The following LILRB4 variants were observed in gnomAD, a reference collection of about 807,000 sequenced individuals.
LILRB4 encodes leukocyte immunoglobulin like receptor B4.
A neutral mutation model predicts 55.2 loss-of-function variants in LILRB4; 49 were observed. The observed-to-expected ratio is 0.89, with a 90% confidence interval of 0.71 to 1.13. LILRB4 has a LOEUF of 1.13. LILRB4 is among the 50% of genes most tolerant of loss of function. The probability of loss-of-function intolerance (pLI) is 0.00; values close to 1 mark genes in which losing one functional copy is unlikely to be tolerated. For missense variants in LILRB4, 590 were observed against 555.2 expected (o/e 1.06, Z -0.63); for synonymous variants, 229 against 213.8 (o/e 1.07, Z -0.62).
At chr19:54,667,913 G>T (rs1048801) in exon 12 of LILRB4, 1 of 1,606,188 alleles carries the variant, frequency 6.2e-7, no homozygotes, top group Non-Finnish European at 8.5e-7. Context: ...ACCTACGCCC[G>T]GCTGCACAGC....
chr19:54,668,333 C>A (rs1210148379), exon 12 of LILRB4: 2 of 306,618 alleles, frequency 6.5e-6, no homozygotes, highest in Non-Finnish European at 1.2e-5. Context: ...AAAATGGGAG[C>A]TTCTAATGAG....
rs2065264727 is a variant in LILRB4, at chr19:54,666,400, T to C, written c.952T>C (p.Ser318Pro). ...TTACACTCCCGTATCCTCCCCCAGG[T>C]CCAGCCCAGCTGCTGACGTCCAGGG... Residue 318 changes from serine (S) to proline (P), a missense_variant and splice_region_variant, in exon 9 of 12, where the codon TCC (serine) becomes CCC (proline). Transcript: ENST00000430952. The surrounding 1 kb of genome is among the most constrained non-coding windows in gnomAD (Gnocchi z 4.8). The C allele has an allele frequency of 6.2e-7, 1 of 1,614,054 alleles. No homozygotes were observed. Among genetic ancestry groups the C allele is most frequent in the East Asian group, 2.2e-5 (1 of 44,868 alleles).
At position 54,666,683 on chromosome 19, in the gene LILRB4, C is replaced by A. The variant is rs756642193; in HGVS notation, c.989-14C>A. ...ACCTTCCCAGGAGATGAACCCCTTG[C>A]TCTACCCCAGCAGGTGCTGCCGTGA... On this transcript the variant is annotated splice_polypyrimidine_tract_variant and intron_variant, in intron 9 of 11. Coordinates refer to ENST00000430952, the Ensembl canonical transcript of LILRB4. The surrounding 1 kb of genome is among the most constrained non-coding windows in gnomAD (Gnocchi z 4.8). The A allele has an allele frequency of 1.2e-6, 2 of 1,613,722 alleles. No homozygotes were observed. Among genetic ancestry groups the A allele is most frequent in the East Asian group, 2.2e-5 (1 of 44,874 alleles).
exon 12 of LILRB4, chr19:54,668,016 C>T: frequency 1.2e-6 from 2 of 1,614,100 alleles, no homozygotes; most frequent in African/African-American, 1.3e-5. Context: ...TGGCCATCCA[C>T]TAATCCAGGG....
exon 12 of LILRB4, chr19:54,668,195 G>A: frequency 1.5e-6 from 1 of 657,128 alleles, no homozygotes. Flanking sequence ...TAATATCCCT[G>A]CATTATCAAA....
At chr19:54,663,677 G>A (rs1386904422) in intron 2 of LILRB4, 77 bp from the exon 3 acceptor site, 51 of 1,605,522 alleles carry the variant, frequency 3.2e-5, no homozygotes, top group Middle Eastern at 1.9e-4. Context: ...TGAGGATGAC[G>A]GGGGGGTCCT....
intron 1 of LILRB4, 50 bp downstream of exon 1, chr19:54,663,117 C>T (rs2065078096): frequency 6.3e-7 from 1 of 1,585,472 alleles, no homozygotes; most frequent in Non-Finnish European, 8.6e-7. Context: ...AGGAAATTTG[C>T]CTCACAGCCA....
At position 54,665,001 on chromosome 19, in the gene LILRB4, C is replaced by T. The variant is rs2065199358; in HGVS notation, c.707-129C>T. 7.2e-7 allele frequency: 1 copy of T among 1,381,710 alleles called. No individual in the cohort carries two copies. 85.6% of individuals were successfully genotyped at this position (1,381,710 alleles called of 1,614,324 possible). A position where few individuals can be genotyped will look rare whatever the true frequency, so the allele number is the denominator to read the frequency against. ...GCAGCGACTTGGGAGGCACCACAGG[C>T]TCCCAAGGCCCTGAGGCTGGGCTGG... On this transcript the variant is annotated intron_variant, in intron 5 of 11. Coordinates refer to ENST00000430952, the Ensembl canonical transcript of LILRB4. This position sits in a 1 kb window ranked among gnomAD's most constrained non-coding sequence, Gnocchi z 5.5.
In LILRB4 at chr19:54,665,027, T is replaced by G. The variant is rs757922427; in HGVS notation, c.707-103T>G. 2 of 1,466,952 alleles carry G rather than the reference T, an allele frequency of 1.4e-6. No homozygotes were observed. Among genetic ancestry groups the G allele is most frequent in the Non-Finnish European group, 1.9e-6 (2 of 1,056,856 alleles). 90.9% of individuals were successfully genotyped at this position (1,466,952 alleles called of 1,614,324 possible). A position where few individuals can be genotyped will look rare whatever the true frequency, so the allele number is the denominator to read the frequency against. ...TCCCAAGGCCCTGAGGCTGGGCTGG[T>G]GAGGGGTGAGGGGGTCAAGGCTGAA... On this transcript the variant is annotated intron_variant, in intron 5 of 11. Transcript: ENST00000430952. This position sits in a 1 kb window ranked among gnomAD's most constrained non-coding sequence, Gnocchi z 5.5.
rs141126101 is a variant in LILRB4, at chr19:54,666,290, C to T, written c.925C>T (p.Pro309Ser). 1.9e-4 allele frequency: 312 copies of T among 1,609,844 alleles called. No individual in the cohort carries two copies. Among genetic ancestry groups the T allele is most frequent in the Non-Finnish European group, 2.5e-4 (295 of 1,177,840 alleles). ...TCCTCCAGGGGCTGCCGAGCCAGAG[C>T]CCAAGGACGGGGGCCTACAGAGGAG... The change falls in exon 8 of 12, where the codon CCC becomes TCC. Residue 309 changes from proline to serine, a missense_variant. Pro to Ser is a moderately conservative substitution (Grantham distance 74, BLOSUM62 -1). Transcript: ENST00000430952. The surrounding 1 kb of genome is among the most constrained non-coding windows in gnomAD (Gnocchi z 4.8).
chr19:54,663,850 G>A (rs1265223301), exon 3 of LILRB4: 11 of 1,613,980 alleles, frequency 6.8e-6, no homozygotes, highest in Non-Finnish European at 9.3e-6. Flanking sequence ...CTGGAGGCTC[G>A]GGAGTACCGT....
chr19:54,664,656 C>G (rs2065184662), intron 4 of LILRB4, 143 bp from the exon 5 acceptor site: 1 of 979,984 alleles, frequency 1.0e-6, no homozygotes. Flanking sequence ...GCTCTTCTCC[C>G]TCACCTAGGG....
rs768084828 is a variant in LILRB4, at chr19:54,666,276, C to A, written c.911C>A (p.Ala304Asp). 1 of 1,609,290 alleles carries A rather than the reference C, an allele frequency of 6.2e-7. No individual in the cohort carries two copies. The highest frequency in any genetic ancestry group is 1.1e-5 in the South Asian group (1 of 90,484). The change falls in exon 8 of 12, where the codon GCT becomes GAT. Residue 304 changes from alanine (A) to aspartate (D), a missense_variant. Transcript: ENST00000430952. The surrounding 1 kb of genome is among the most constrained non-coding windows in gnomAD (Gnocchi z 4.8). Reference sequence around the variant, plus strand: ...GCTGATTTCCAACGTCCTCCAGGGGCTGCCGAGCCAGAGCCCAAGGACGGG... The same window carrying A: ...GCTGATTTCCAACGTCCTCCAGGGGATGCCGAGCCAGAGCCCAAGGACGGG...
chr19:54,663,691 G>A, intron 2 of LILRB4, 63 bp from the exon 3 acceptor site: 6 of 1,608,606 alleles, frequency 3.7e-6, no homozygotes, highest in Middle Eastern at 1.9e-4. Context: ...GGGTCCTGGG[G>A]CTGAGAGCTG....
rs755646428 is a variant in LILRB4 at position 54,666,326 on chromosome 19, C to T, written c.950+11C>T. The T allele has an allele frequency of 1.2e-6, 2 of 1,609,062 alleles. No individual in the cohort carries two copies. The highest frequency in any genetic ancestry group is 2.2e-5 in the East Asian group (1 of 44,818). On this transcript the variant is annotated intron_variant, in intron 8 of 11. Coordinates refer to ENST00000430952, the Ensembl canonical transcript of LILRB4. This position sits in a 1 kb window ranked among gnomAD's most constrained non-coding sequence, Gnocchi z 4.8. ...GGGCCTACAGAGGAGGTAATTCTGC[C>T]CAAAGACCTCAGACTCCCACCCATC...
chr19:54,663,602 C>G, intron 2 of LILRB4, 35 bp downstream of exon 2: 1 of 1,613,060 alleles, frequency 6.2e-7, no homozygotes, highest in Non-Finnish European at 8.5e-7. Context: ...GGTCCCTCCT[C>G]CTCACTGGGA....
At chr19:54,663,344 G>A (rs1375689789) in intron 1 of LILRB4, among the ~76,000 whole-genome samples, 188 bp from the exon 2 acceptor site, 1 of 150,806 alleles carries the variant, frequency 6.6e-6, no homozygotes, top group Admixed American at 6.6e-5. Flanking sequence ...CACTCGGGAG[G>A]CTGAGGCAGG....
At chr19:54,667,756 A>T in exon 11 of LILRB4, 1 of 1,611,518 alleles carries the variant, frequency 6.2e-7, no homozygotes, top group Non-Finnish European at 8.5e-7. Context: ...GACACAAAGG[A>T]CAGACAGGCA....
In LILRB4 at chr19:54,665,730, A is replaced by G; in HGVS notation, c.758-85A>G. On this transcript the variant is annotated intron_variant, in intron 6 of 11. Coordinates refer to ENST00000430952, the Ensembl canonical transcript of LILRB4. This position sits in a 1 kb window ranked among gnomAD's most constrained non-coding sequence, Gnocchi z 5.5. ...GTGAGGGTTGGAGGTAATGAAAGAA[A>G]GACCCAGCACACACAGTAGGTGCAC... The G allele has an allele frequency of 6.8e-7, 1 of 1,475,636 alleles. No homozygotes were observed. Among genetic ancestry groups the G allele is most frequent in the East Asian group, 2.5e-5 (1 of 40,470 alleles). 91.4% of individuals were successfully genotyped at this position (1,475,636 alleles called of 1,614,324 possible).
Sources: allele counts gnomAD v4.1 joint callset (sites outside exome capture counted in the v4.1 genomes callset), GRCh38; gene constraint gnomAD v4.1.1; non-coding constraint Gnocchi (gnomAD v3.1); transcripts MANE v1.5; gene names NCBI Gene and HGNC (gene_info 2026-07-23, HGNC 2026-07-21).